The following PRPF19 variants were observed in gnomAD, a reference collection of about 807,000 sequenced individuals.
PRPF19 encodes the protein pre-mRNA processing factor 19.
A neutral mutation model predicts 64.2 loss-of-function variants in PRPF19; 2 were observed. That is an observed-to-expected ratio of 0.03 (90% CI 0.01 to 0.10). The LOEUF is 0.10. Among genes scored for constraint, PRPF19 ranks in the 10% least tolerant of loss-of-function variants. The pLI is 1.00. For synonymous variants in PRPF19, 226 were observed against 251.6 expected, an observed-to-expected ratio of 0.90 and a Z score of 0.96; for missense variants, 314 against 650.0, an observed-to-expected ratio of 0.48 and a Z score of 5.62.
chr11:60,897,649 G>T, intron 15 of PRPF19, 197 bp downstream of exon 15: 1 of 519,432 alleles, frequency 1.9e-6, no homozygotes, highest in Non-Finnish European at 3.4e-6. Flanking sequence ...GGGCATGGAA[G>T]TGGCAGAACA....
At position 60,906,446 on chromosome 11, in the gene PRPF19, C is replaced by T; in HGVS notation, c.-64G>A. The T allele has an allele frequency of 2.0e-6, 3 of 1,474,912 alleles. No individual in the cohort carries two copies. The highest frequency in any genetic ancestry group is 1.8e-6 in the Non-Finnish European group (2 of 1,102,754). 91.4% of individuals were successfully genotyped at this position (1,474,912 alleles called of 1,614,324 possible). A position where few individuals can be genotyped will look rare whatever the true frequency, so the allele number is the denominator to read the frequency against. On this transcript the variant is annotated 5_prime_UTR_variant, in exon 1 of 16. Coordinates refer to ENST00000227524, the MANE Select transcript of PRPF19 (RefSeq NM_014502.5). ...TCCGGGACTAGCTTCTGAGCCTCCG[C>T]GAGCCACTTCCGGTCCCCCGCTGCT...
intron 15 of PRPF19, among the ~76,000 whole-genome samples, chr11:60,893,695 C>T (rs376958053): frequency 2.0e-5 from 3 of 152,114 alleles, no homozygotes; most frequent in African/African-American, 7.2e-5. Flanking sequence ...TGGTTCATGC[C>T]TGTAATCCCA....
chr11:60,902,931 AC>A lies in PRPF19; in HGVS notation c.247-51del, dbSNP rs771492503. Reference sequence around the variant, plus strand: ...AGGTGAGGTGGGGGGTGCAGGGAGTACCCAGTGGAGTCAGCCCTTGGGGAGG... The same window carrying A: ...AGGTGAGGTGGGGGGTGCAGGGAGTACCAGTGGAGTCAGCCCTTGGGGAGG... On this transcript the variant is annotated intron_variant, in intron 3 of 15. Transcript: ENST00000227524. This position sits in a 1 kb window ranked among gnomAD's most constrained non-coding sequence, Gnocchi z 5.0. 1.9e-6 allele frequency: 3 copies of A among 1,593,452 alleles called. No individual in the cohort carries two copies. The East Asian group carries it at 6.7e-5, about 36-fold the overall frequency.
chr11:60,891,902 T>C (rs1241884303), intron 15 of PRPF19, among the ~76,000 whole-genome samples: 2 of 152,204 alleles, frequency 1.3e-5, no homozygotes, highest in Non-Finnish European at 2.9e-5. Flanking sequence ...GACACCTTTG[T>C]TATACAAACA....
chr11:60,904,051 TTAGTCTCCTGACTGAGGAGA>T (rs1382556390), intron 1 of PRPF19, among the ~76,000 whole-genome samples, 190 bp from the exon 2 acceptor site: 23 of 152,194 alleles, frequency 1.5e-4, no homozygotes, highest in South Asian at 4.1e-4. Flanking sequence ...ACCTTTTCCT[TTAGTCTCCTGACTGAGGAGA>T]TAGTCTCCTG....
In PRPF19 at chr11:60,901,674, A is replaced by G; in HGVS notation, c.526-134T>C. 3.0e-6 allele frequency: 3 copies of G among 989,208 alleles called. No individual in the cohort carries two copies. The East Asian group carries it at 7.4e-5, about 24-fold the overall frequency. 61.3% of individuals were successfully genotyped at this position (989,208 alleles called of 1,614,324 possible). On this transcript the variant is annotated intron_variant, in intron 6 of 15. Coordinates refer to ENST00000227524, the MANE Select transcript of PRPF19 (RefSeq NM_014502.5). ...TGCCAACTTCTACGTTACAGGCTTA[A>G]AGGCATTCTCTCTTCTTACTTCCAT...
At chr11:60,896,218 C>T (rs1487743489) in intron 15 of PRPF19, among the ~76,000 whole-genome samples, 1 of 152,136 alleles carries the variant, frequency 6.6e-6, no homozygotes, top group Non-Finnish European at 1.5e-5. Context: ...ATACTCTTCC[C>T]ACTTATAAAA....
intron 1 of PRPF19, among the ~76,000 whole-genome samples, 155 bp downstream of exon 1, chr11:60,906,208 GA>G (rs1231807932): frequency 6.6e-6 from 1 of 152,058 alleles, no homozygotes; most frequent in Middle Eastern, 3.2e-3. Flanking sequence ...ACCCCGCTCC[GA>G]CGGGGGGGGC....
In PRPF19 at chr11:60,902,552, G is replaced by A. The variant is rs371066613; in HGVS notation, c.462+31C>T. 1.2e-5 allele frequency: 20 copies of A among 1,608,460 alleles called. No homozygotes were observed. Among genetic ancestry groups the A allele is most frequent in the Non-Finnish European group, 1.7e-5 (20 of 1,174,882 alleles). On this transcript the variant is annotated intron_variant, in intron 5 of 15. Coordinates refer to ENST00000227524, the MANE Select transcript of PRPF19 (RefSeq NM_014502.5). This position sits in a 1 kb window ranked among gnomAD's most constrained non-coding sequence, Gnocchi z 5.0. ...GTTCTGTGGGCCACTGTACACAAAT[G>A]GGCTGCTGGTAAGGGAAGGGGGACA...
chr11:60,900,189 A>G (rs1358383608), intron 10 of PRPF19, among the ~76,000 whole-genome samples: 1 of 152,212 alleles, frequency 6.6e-6, no homozygotes, highest in Non-Finnish European at 1.5e-5. Flanking sequence ...AACAGTCAAC[A>G]TGATTTTTAC....
In PRPF19 at chr11:60,902,159, A is replaced by T. The variant is rs78445117; in HGVS notation, c.525+244T>A. On this transcript the variant is annotated intron_variant, in intron 6 of 15. Coordinates refer to ENST00000227524, the MANE Select transcript of PRPF19 (RefSeq NM_014502.5). This position sits in a 1 kb window ranked among gnomAD's most constrained non-coding sequence, Gnocchi z 5.0. ...CCCACAGCCTGCCTATACAGTGGAT[A>T]TGATCATATTCTCAGTTTAGAAGCT... 3.2e-3 allele frequency among the ~76,000 whole-genome samples: 481 copies of T among 152,348 alleles called. 2 individuals are homozygous for T. Among genetic ancestry groups the T allele is most frequent in the African/African-American group, 0.011 (462 of 41,570 alleles).
intron 15 of PRPF19, among the ~76,000 whole-genome samples, chr11:60,895,191 C>G (rs935321618): frequency 7.9e-5 from 12 of 152,336 alleles, no homozygotes; most frequent in African/African-American, 2.9e-4. Flanking sequence ...CCAGATGTCA[C>G]TTTCTTCCAA....
chr11:60,893,651 C>T (rs1855887788), intron 15 of PRPF19, among the ~76,000 whole-genome samples: 1 of 152,032 alleles, frequency 6.6e-6, no homozygotes, highest in Admixed American at 6.6e-5. Context: ...TTTGGTTTCT[C>T]ACTACATATA....
At position 60,898,286 on chromosome 11, in the gene PRPF19, G is replaced by A. The variant is rs1855943757; in HGVS notation, c.1141-15C>T. 3 of 1,611,344 alleles carry A rather than the reference G, an allele frequency of 1.9e-6. No individual in the cohort carries two copies. The highest frequency in any genetic ancestry group is 2.7e-5 in the African/African-American group (2 of 74,782). On this transcript the variant is annotated splice_polypyrimidine_tract_variant and intron_variant, in intron 13 of 15. Coordinates refer to ENST00000227524, the MANE Select transcript of PRPF19 (RefSeq NM_014502.5). The surrounding 1 kb of genome is among the most constrained non-coding windows in gnomAD (Gnocchi z 4.6). ...TTAGTACGTTCCTACAGTGGCGGTG[G>A]GTAGTAAAATACGTCACCCACAGAT...
chr11:60,895,154 A>G (rs1328013920), intron 15 of PRPF19, among the ~76,000 whole-genome samples: 1 of 152,238 alleles, frequency 6.6e-6, no homozygotes, highest in African/African-American at 2.4e-5. Flanking sequence ...GAAACCAGGC[A>G]TTGACTTCTC....
In PRPF19 at chr11:60,890,727, T is replaced by C. The variant is rs959962145; in HGVS notation, c.*439A>G. 3 of 456,016 alleles carry C rather than the reference T, an allele frequency of 6.6e-6. No homozygotes were observed. The highest frequency in any genetic ancestry group is 8.8e-6 in the Non-Finnish European group (2 of 227,020). 28.2% of individuals were successfully genotyped at this position (456,016 alleles called of 1,614,324 possible). On this transcript the variant is annotated 3_prime_UTR_variant, in exon 16 of 16. Transcript: ENST00000227524. ...GCAGACAGACACGGGGAGGTGGTTA[T>C]GGTTATTGTTTTCTTTTTTTAATGA...
At chr11:60,893,175 T>C (rs1428929272) in intron 15 of PRPF19, among the ~76,000 whole-genome samples, 1 of 152,122 alleles carries the variant, frequency 6.6e-6, no homozygotes, top group Non-Finnish European at 1.5e-5. Context: ...TATAAACAAA[T>C]CTACTACACT....
chr11:60,895,476 A>C (rs1855909629), intron 15 of PRPF19, among the ~76,000 whole-genome samples: 1 of 152,264 alleles, frequency 6.6e-6, no homozygotes. Context: ...TTGGCTTAAA[A>C]GAATGTTGTG....
chr11:60,901,079 C>T (rs1388056672), intron 8 of PRPF19, 150 bp from the exon 9 acceptor site: 2 of 1,035,524 alleles, frequency 1.9e-6, no homozygotes, highest in Non-Finnish European at 2.9e-6. Flanking sequence ...TGGCTATCTG[C>T]CTGGTACGGT....
Sources: gnomAD v4.1 joint callset for allele counts (sites outside exome capture counted in the v4.1 genomes callset) on GRCh38, gnomAD v4.1.1 for gene constraint, Gnocchi (gnomAD v3.1) non-coding constraint, MANE v1.5 for transcripts, NCBI Gene and HGNC (gene_info 2026-07-23, HGNC 2026-07-21) for gene names.